The following PRIM2 variants were observed in gnomAD, a reference collection of about 807,000 sequenced individuals.
PRIM2 encodes DNA primase subunit 2.
A neutral mutation model predicts 67.3 loss-of-function variants in PRIM2; 39 were observed. The observed-to-expected ratio is 0.58, with a 90% confidence interval of 0.45 to 0.76. The LOEUF (loss-of-function observed/expected upper bound fraction) is 0.76. Among genes scored for constraint, PRIM2 ranks in the 30% least tolerant of loss-of-function variants. The pLI is 0.00. For synonymous variants in PRIM2, 143 were observed against 198.7 expected (o/e 0.72, Z 2.36); for missense variants, 398 against 598.7 (o/e 0.66, Z 3.50).
chr6:57,474,330 A>G (rs1447411856), intron 7 of PRIM2, among the ~76,000 whole-genome samples: 1 of 150,710 alleles, frequency 6.6e-6, no homozygotes, highest in South Asian at 2.1e-4. Context: ...ACCTGCCACC[A>G]TGCCCGGCTA....
chr6:57,370,297 C>T (rs1368055144), intron 5 of PRIM2, among the ~76,000 whole-genome samples: 1 of 152,026 alleles, frequency 6.6e-6, no homozygotes, highest in Admixed American at 6.6e-5. Context: ...AATGAAATAT[C>T]CTTATATTTT....
Position 57,496,166 on chromosome 6 carries a change from C to A in PRIM2, c.694-11221C>A, listed in dbSNP as rs1554346370. 9.1e-3 allele frequency among the ~76,000 whole-genome samples: 1,382 copies of A among 152,246 alleles called. 18 individuals are homozygous for A. Among genetic ancestry groups the A allele is most frequent in the African/African-American group, 0.031 (1,303 of 41,530 alleles). On this transcript the variant is annotated intron_variant, in intron 7 of 13. Transcript: ENST00000615550. The stretch of plus-strand genomic sequence containing the variant: ...TATACATGTCTTTTCTGTGTCTCTT[C>A]ACTTTGGTAATTAATATAATTGTGG...
intron 7 of PRIM2, among the ~76,000 whole-genome samples, chr6:57,473,761 T>C (rs1773395352): frequency 6.6e-6 from 1 of 152,146 alleles, no homozygotes; most frequent in African/African-American, 2.4e-5. Context: ...GCAACCCTCT[T>C]AAGTTTTGTA....
At chr6:57,350,110 A>G (rs1768812723) in intron 5 of PRIM2, among the ~76,000 whole-genome samples, 1 of 152,186 alleles carries the variant, frequency 6.6e-6, no homozygotes, top group African/African-American at 2.4e-5. Flanking sequence ...AACCTCTCAG[A>G]TAGGAAGGAT....
At chr6:57,297,310 C>T in the PRIM2 span, among the ~76,000 whole-genome samples, 4 of 151,948 alleles carry the variant, frequency 2.6e-5, no homozygotes, top group South Asian at 2.1e-4. Context: ...GGCATGGTGG[C>T]GGGTGCCTGT....
At chr6:57,292,372 C>A in the PRIM2 span, among the ~76,000 whole-genome samples, 2 of 152,148 alleles carry the variant, frequency 1.3e-5, no homozygotes, top group Admixed American at 6.5e-5. Flanking sequence ...GAAGAACATT[C>A]CATGCTCATG....
intron 13 of PRIM2, among the ~76,000 whole-genome samples, chr6:57,635,039 CAAAAT>C (rs1777095833): frequency 1.3e-5 from 2 of 152,066 alleles, no homozygotes; most frequent in African/African-American, 4.8e-5. Flanking sequence ...TACCCCTCCC[CAAAAT>C]AAAATCCTAT....
intron 10 of PRIM2, among the ~76,000 whole-genome samples, chr6:57,571,346 A>G (rs1775858986): frequency 6.6e-6 from 1 of 152,112 alleles, no homozygotes; most frequent in Admixed American, 6.6e-5. Flanking sequence ...CTATTATTAT[A>G]CAGAACAAAA....
intron 12 of PRIM2, among the ~76,000 whole-genome samples, chr6:57,621,537 A>G (rs1306009612): frequency 1.3e-5 from 2 of 151,954 alleles, no homozygotes; most frequent in African/African-American, 2.4e-5. Flanking sequence ...TTTTATATGT[A>G]TAACAGTTTT....
At chr6:57,535,950 TA>T (rs1304757615) in intron 9 of PRIM2, among the ~76,000 whole-genome samples, 2 of 152,168 alleles carry the variant, frequency 1.3e-5, no homozygotes, top group South Asian at 2.1e-4. Flanking sequence ...GGATGTTGAA[TA>T]TTGATTGTAT....
intron 7 of PRIM2, among the ~76,000 whole-genome samples, chr6:57,437,662 CTTTT>C (rs11315818): frequency 5.5e-5 from 7 of 128,344 alleles, no homozygotes; most frequent in Admixed American, 1.6e-4. Context: ...GGAAGGATTC[CTTTT>C]TTTTTTTTTT....
chr6:57,233,035 C>T, the PRIM2 span, among the ~76,000 whole-genome samples: 3 of 152,186 alleles, frequency 2.0e-5, no homozygotes, highest in Non-Finnish European at 4.4e-5. Flanking sequence ...TCTAATTCTT[C>T]TTTCTCTAGT....
At chr6:57,284,944 A>G in the PRIM2 span, among the ~76,000 whole-genome samples, 1 of 152,200 alleles carries the variant, frequency 6.6e-6, no homozygotes, top group Admixed American at 6.5e-5. Context: ...AGGGGATATC[A>G]CCACTGACCC....
At chr6:57,499,202 G>A (rs1554346618) in intron 7 of PRIM2, among the ~76,000 whole-genome samples, 5 of 152,088 alleles carry the variant, frequency 3.3e-5, no homozygotes, top group South Asian at 2.1e-4. Context: ...CAAGTCTATC[G>A]GCAAAATTTC....
chr6:57,389,620 A>G (rs1334738966), intron 7 of PRIM2, among the ~76,000 whole-genome samples: 11 of 152,180 alleles, frequency 7.2e-5, no homozygotes, highest in Admixed American at 7.2e-4. Flanking sequence ...CTTTTTTGAA[A>G]AGGATTTCCT....
At chr6:57,243,390 G>A in the PRIM2 span, among the ~76,000 whole-genome samples, 1 of 152,224 alleles carries the variant, frequency 6.6e-6, no homozygotes, top group Admixed American at 6.5e-5. Context: ...TGGTCCCTAA[G>A]ATAAAGATTA....
intron 10 of PRIM2, among the ~76,000 whole-genome samples, chr6:57,558,330 C>G (rs1775558869): frequency 6.6e-6 from 1 of 152,102 alleles, no homozygotes; most frequent in Non-Finnish European, 1.5e-5. Context: ...TAAGATATAT[C>G]TACCTAGGAG....
rs1385560050 is a variant in PRIM2, at chr6:57,537,394, A to G, written c.835-46A>G. The G allele has an allele frequency of 7.1e-6, 7 of 982,728 alleles. No individual in the cohort carries two copies. The East Asian group carries it at 1.3e-4, about 18-fold the overall frequency. The allele number at this position is 982,728 out of a possible 1,614,324, so 60.9% of individuals were successfully genotyped here. A position where few individuals can be genotyped will look rare whatever the true frequency, so the allele number is the denominator to read the frequency against. On this transcript the variant is annotated intron_variant, in intron 9 of 13. Coordinates refer to ENST00000615550, the MANE Select transcript of PRIM2 (RefSeq NM_000947.5). ...CATAACAAATATTACAGGGGACCTG[A>G]TAAGTCTTCCACTTAACTTAAAACT...
At chr6:57,323,448 A>G (rs1383007622) in intron 3 of PRIM2, among the ~76,000 whole-genome samples, 2 of 152,130 alleles carry the variant, frequency 1.3e-5, no homozygotes, top group African/African-American at 2.4e-5. Context: ...GGTTGGTGGG[A>G]AGAAAATAGT....
Sources: gnomAD v4.1 joint callset for allele counts (sites outside exome capture counted in the v4.1 genomes callset) on GRCh38, gnomAD v4.1.1 for gene constraint, MANE v1.5 for transcripts, NCBI Gene and HGNC (gene_info 2026-07-23, HGNC 2026-07-21) for gene names.